NOS1: variants seen among roughly 807,000 people sequenced by gnomAD.
NOS1 encodes the protein NOS type I.
In NOS1, 51 loss-of-function variants were observed where a neutral mutation model predicts 164.5. That is an observed-to-expected ratio of 0.31 (90% confidence interval 0.25 to 0.39). The LOEUF (loss-of-function observed/expected upper bound fraction) is 0.39. Among genes scored for constraint, NOS1 ranks in the 10% least tolerant of loss-of-function variants. The probability of loss-of-function intolerance (pLI) is 1.00; values close to 1 mark genes in which losing one functional copy is unlikely to be tolerated. For missense variants in NOS1, 1,362 were observed against 1,885.6 expected, an observed-to-expected ratio of 0.72 and a Z score of 5.14; for synonymous variants, 719 against 745.8, an observed-to-expected ratio of 0.96 and a Z score of 0.59.
chr12:117,223,731 T>C (rs1265324456), intron 25 of NOS1, among the ~76,000 whole-genome samples: 1 of 152,168 alleles, frequency 6.6e-6, no homozygotes, highest in African/African-American at 2.4e-5. Flanking sequence ...CTCGGCTCAC[T>C]GCAACCTCTG....
chr12:117,252,029 G>A (rs1429482931), intron 17 of NOS1, among the ~76,000 whole-genome samples: 12 of 152,184 alleles, frequency 7.9e-5, no homozygotes, highest in Admixed American at 6.5e-5. Flanking sequence ...CACTGTGCCC[G>A]GCGTTGGCAA....
chr12:117,247,470 C>T lies in NOS1; in HGVS notation c.2701G>A (p.Gly901Arg), dbSNP rs1438062448. ...TCCAGGAGGGTGTCCACAGCGTGTC[C>T]GAAGGCGCAAAAGTGAGGGTATGCT... ...SRAYPHFCAF[G>R]HAVDTLLEEL... is the part of the protein sequence containing the mutation. The change falls in exon 18 of 29, where the codon GGA (glycine) becomes AGA (arginine). Residue 901 changes from glycine to arginine, a missense_variant. By Grantham distance (125) the Gly-to-Arg change is moderately radical. This residue lies in a region of NOS1 where 737 missense variants were observed against 1,030.3 expected (regional missense o/e 0.72). Coordinates refer to ENST00000317775, the MANE Select transcript of NOS1 (RefSeq NM_000620.5). The T allele has an allele frequency of 1.9e-6, 3 of 1,612,496 alleles. No homozygotes were observed. The highest frequency in any genetic ancestry group is 1.3e-5 in the African/African-American group (1 of 74,708).
chr12:117,322,737 C>T (rs1409135779), intron 2 of NOS1, among the ~76,000 whole-genome samples: 1 of 132,266 alleles, frequency 7.6e-6, no homozygotes, highest in African/African-American at 2.9e-5. Flanking sequence ...CTCTTTCCTC[C>T]CTTCCCTCCC....
intron 1 of NOS1, among the ~76,000 whole-genome samples, chr12:117,353,659 T>C (rs1467039709): frequency 3.3e-5 from 5 of 152,222 alleles, no homozygotes; most frequent in Admixed American, 2.6e-4. Context: ...GGAAGGGTTT[T>C]AGCATCATGT....
intron 18 of NOS1, among the ~76,000 whole-genome samples, chr12:117,245,018 G>T (rs1393485460): frequency 6.6e-6 from 1 of 152,126 alleles, no homozygotes; most frequent in Non-Finnish European, 1.5e-5. Context: ...ATCTCAATGG[G>T]TATAAAAAGC....
intron 17 of NOS1, among the ~76,000 whole-genome samples, chr12:117,252,934 C>T (rs1871203970): frequency 6.6e-6 from 1 of 152,186 alleles, no homozygotes. Flanking sequence ...ATCCACGAAA[C>T]CAAGGGTTTG....
At chr12:117,329,238 G>C (rs1875408847) in intron 2 of NOS1, among the ~76,000 whole-genome samples, 1 of 152,128 alleles carries the variant, frequency 6.6e-6, no homozygotes, top group Non-Finnish European at 1.5e-5. Context: ...CTCTACCCTA[G>C]AGCTTAGGAC....
chr12:117,216,153 C>G (rs1011842999), intron 28 of NOS1, among the ~76,000 whole-genome samples: 1 of 150,194 alleles, frequency 6.7e-6, no homozygotes, highest in African/African-American at 2.5e-5. Flanking sequence ...GCTGGGATTA[C>G]AGGTGTGAGC....
At position 117,254,099 on chromosome 12, in the gene NOS1, T is replaced by C. The variant is rs9658442; in HGVS notation, c.2532-345A>G. On this transcript the variant is annotated intron_variant, in intron 16 of 28. Coordinates refer to ENST00000317775, the MANE Select transcript of NOS1 (RefSeq NM_000620.5). ...AACCATGAGACCATGCTCCCTTGTT[T>C]CTAAAAAAAAAAAAAATTTTTTTTT... 5.7e-4 allele frequency among the ~76,000 whole-genome samples: 87 copies of C among 152,036 alleles called. 1 individual carries two copies. The South Asian group carries it at 0.018, about 31-fold the overall frequency.
chr12:117,283,058 T>TATA lies in NOS1; in HGVS notation c.1382+2182_1382+2183insTAT, dbSNP rs61594331. On this transcript the variant is annotated intron_variant, in intron 7 of 28. Coordinates refer to ENST00000317775, the MANE Select transcript of NOS1 (RefSeq NM_000620.5). ...ACATTATATATATATATATATATAT[T>TATA]TTTTTTTTTTTTTTTGAGACAGTCT... Among the ~76,000 whole-genome samples, 86 of 29,920 alleles carry TATA rather than the reference T, an allele frequency of 2.9e-3. No homozygotes were observed. The East Asian group carries it at 0.043, about 15-fold the overall frequency. 19.6% of individuals were successfully genotyped at this position (29,920 alleles called of 152,430 possible).
rs530791040 is a variant in NOS1 at position 117,350,222 on chromosome 12, C to G, written c.-421+11290G>C. ...AAACCTTGCTTTGAAATCTATGAAC[C>G]TTTTGTGCTTTGATAAGACTTGCAT... is the stretch of plus-strand genomic sequence containing the variant. On this transcript the variant is annotated intron_variant, in intron 1 of 28. Coordinates refer to ENST00000317775, the MANE Select transcript of NOS1 (RefSeq NM_000620.5). 2.6e-5 allele frequency among the ~76,000 whole-genome samples: 4 copies of G among 152,258 alleles called. 1 individual carries two copies. In the South Asian group the frequency reaches 8.3e-4, roughly 32 times the overall value.
At position 117,209,718 on chromosome 12, in the gene NOS1, TC is replaced by T; in HGVS notation, c.*5590del. On this transcript the variant is annotated 3_prime_UTR_variant, in exon 29 of 29. Coordinates refer to ENST00000317775, the MANE Select transcript of NOS1 (RefSeq NM_000620.5). The stretch of plus-strand genomic sequence containing the variant: ...AACAGACTCTCGACAGACACTGCTT[TC>T]CACGGGTGAAAGTGTACCTGGGTCC... 7 of 985,520 alleles carry T rather than the reference TC, an allele frequency of 7.1e-6. No homozygotes were observed. The highest frequency in any genetic ancestry group is 8.4e-6 in the Non-Finnish European group (7 of 829,958). The allele number at this position is 985,520 out of a possible 1,614,324, so 61.0% of individuals were successfully genotyped here. A position where few individuals can be genotyped will look rare whatever the true frequency, so the allele number is the denominator to read the frequency against.
intron 14 of NOS1, among the ~76,000 whole-genome samples, chr12:117,260,148 AC>A (rs1406883650): frequency 1.3e-5 from 2 of 151,716 alleles, no homozygotes; most frequent in Non-Finnish European, 2.9e-5. Flanking sequence ...AAACAAAAAA[AC>A]AAAAAAACAA....
Position 117,211,555 on chromosome 12 carries a change from T to G in NOS1, c.*3754A>C, listed in dbSNP as rs1174908881. 17 of 985,348 alleles carry G rather than the reference T, an allele frequency of 1.7e-5. No homozygotes were observed. Among genetic ancestry groups the G allele is most frequent in the Non-Finnish European group, 1.9e-5 (16 of 829,988 alleles). The allele number at this position is 985,348 out of a possible 1,614,324, so 61.0% of individuals were successfully genotyped here. A position where few individuals can be genotyped will look rare whatever the true frequency, so the allele number is the denominator to read the frequency against. On this transcript the variant is annotated 3_prime_UTR_variant, in exon 29 of 29. Transcript: ENST00000317775. Reference sequence around the variant, plus strand: ...AATTTCTTGTAATGCCACTCACCTCTCCCCACGGTCTGGTCCCAGCCCACC... The same window carrying G: ...AATTTCTTGTAATGCCACTCACCTCGCCCCACGGTCTGGTCCCAGCCCACC...
chr12:117,323,052 T>C (rs1360426375), intron 2 of NOS1, among the ~76,000 whole-genome samples: 1 of 152,134 alleles, frequency 6.6e-6, no homozygotes, highest in African/African-American at 2.4e-5. Context: ...CTTCACCCTC[T>C]CTCCATCTGT....
At chr12:117,326,117 G>A (rs1255329330) in intron 2 of NOS1, among the ~76,000 whole-genome samples, 2 of 149,906 alleles carry the variant, frequency 1.3e-5, no homozygotes, top group African/African-American at 2.5e-5. Context: ...CGGGCATGGT[G>A]GCTCACTCCT....
In NOS1 at chr12:117,290,396, T is replaced by C; in HGVS notation, c.883A>G (p.Lys295Glu). 6.2e-7 allele frequency: 1 copy of C among 1,613,538 alleles called. No homozygotes were observed. Among genetic ancestry groups the C allele is most frequent in the Non-Finnish European group, 8.5e-7 (1 of 1,179,734 alleles). ...GGACACTTGGAGGGGCTGCCATTCT[T>C]TGTGGGGGACTGTTTTCCTGAGGTG... ...PPTSGKQSPT[K>E]NGSPSKCPRF... is the part of the protein sequence containing the mutation. The change falls in exon 4 of 29, where the codon AAG becomes GAG. Residue 295 changes from lysine to glutamate, a missense_variant. Physicochemically the swap from Lys to Glu is moderately conservative, Grantham distance 56. Around this residue, in one of 4 missense-constraint regions of NOS1, gnomAD observed 362 missense variants for 402.0 expected, o/e 0.90. Coordinates refer to ENST00000317775, the MANE Select transcript of NOS1 (RefSeq NM_000620.5).
In NOS1 at chr12:117,356,761, C is replaced by A. The variant is rs575143964; in HGVS notation, c.-421+4751G>T. 1.0e-3 allele frequency among the ~76,000 whole-genome samples: 153 copies of A among 152,334 alleles called. 1 individual carries two copies. The highest frequency in any genetic ancestry group is 6.8e-3 in the Middle Eastern group (2 of 292). On this transcript the variant is annotated intron_variant, in intron 1 of 28. Transcript: ENST00000317775. This position sits in a 1 kb window ranked among gnomAD's most constrained non-coding sequence, Gnocchi z 4.2. ...CATACTTGAATTAGAGACTTAGGGG[C>A]ACTTTCTGTTGACACGTCATTTTCA...
chr12:117,299,740 T>A (rs11068438), intron 3 of NOS1, among the ~76,000 whole-genome samples: 22,197 of 150,034 alleles, frequency 0.15, 1,858 homozygotes, highest in East Asian at 0.27. Flanking sequence ...TGATTAAAAA[T>A]GGGGGTGCTT....
Sources: allele counts gnomAD v4.1 joint callset (sites outside exome capture counted in the v4.1 genomes callset), GRCh38; gene constraint gnomAD v4.1.1; regional missense constraint gnomAD v4.1.1; non-coding constraint Gnocchi (gnomAD v3.1); transcripts MANE v1.5; gene names NCBI Gene and HGNC (gene_info 2026-07-23, HGNC 2026-07-21).